EVA1A: variants seen among roughly 807,000 people sequenced by gnomAD.
EVA1A encodes the protein eva-1 homolog A, regulator of programmed cell death, also known as protein eva-1 homolog A.
A neutral mutation model predicts 9.8 loss-of-function variants in EVA1A; 7 were observed. The observed-to-expected ratio is 0.71, with a 90% CI of 0.41 to 1.34. The LOEUF is 1.34. Among genes scored for constraint, EVA1A ranks in the 40% most tolerant of loss-of-function variants. EVA1A has a pLI of 0.01. For synonymous variants in EVA1A, 90 were observed against 85.6 expected, an observed-to-expected ratio of 1.05 and a Z score of -0.28; for missense variants, 206 against 205.9, an observed-to-expected ratio of 1.00 and a Z score of 0.00.
chr2:75,557,306 A>G (rs994055592), intron 1 of EVA1A, among the ~76,000 whole-genome samples: 3 of 152,210 alleles, frequency 2.0e-5, no homozygotes, highest in African/African-American at 2.4e-5. Context: ...TAGTTTAGTG[A>G]TCAGTTGTAA....
intron 3 of EVA1A, among the ~76,000 whole-genome samples, chr2:75,509,459 C>G (rs1235252258): frequency 6.6e-6 from 1 of 152,014 alleles, no homozygotes; most frequent in Non-Finnish European, 1.5e-5. Context: ...TTTGAGGGAG[C>G]ACTTCTATGA....
chr2:75,560,501 CAG>C (rs1293096753), intron 1 of EVA1A, among the ~76,000 whole-genome samples, 177 bp downstream of exon 1: 1 of 152,186 alleles, frequency 6.6e-6, no homozygotes, highest in Admixed American at 6.5e-5. Context: ...CGCTGGGAAG[CAG>C]AGTTCCCTGT....
intron 3 of EVA1A, among the ~76,000 whole-genome samples, chr2:75,494,101 A>C (rs1258825612): frequency 6.6e-6 from 1 of 152,104 alleles, no homozygotes; most frequent in African/African-American, 2.4e-5. Context: ...CTCTCCCCTC[A>C]AGTGGTGGAC....
chr2:75,525,551 T>C (rs1675403132), intron 1 of EVA1A, among the ~76,000 whole-genome samples: 1 of 152,222 alleles, frequency 6.6e-6, no homozygotes, highest in South Asian at 2.1e-4. Flanking sequence ...AGGGGGCTCT[T>C]GTGTTCCATC....
intron 3 of EVA1A, 122 bp from the exon 4 acceptor site, chr2:75,493,731 T>C: frequency 4.9e-6 from 4 of 815,224 alleles, no homozygotes; most frequent in South Asian, 2.3e-5. Flanking sequence ...ACAAATATTG[T>C]CCTCCAATGT....
intron 2 of EVA1A, among the ~76,000 whole-genome samples, chr2:75,521,898 A>C (rs1183839827): frequency 6.6e-6 from 1 of 152,192 alleles, no homozygotes; most frequent in Non-Finnish European, 1.5e-5. Context: ...AGGTTACTTT[A>C]TTTAAAGAAT....
intron 2 of EVA1A, among the ~76,000 whole-genome samples, chr2:75,521,172 C>T (rs1437248046): frequency 3.9e-5 from 6 of 152,112 alleles, no homozygotes; most frequent in South Asian, 4.2e-4. Flanking sequence ...ATCTCATACC[C>T]GTTAGGATGA....
At chr2:75,497,435 A>G (rs1473759828) in intron 3 of EVA1A, among the ~76,000 whole-genome samples, 2 of 152,234 alleles carry the variant, frequency 1.3e-5, no homozygotes, top group Non-Finnish European at 2.9e-5. Flanking sequence ...AATGCTCAGC[A>G]TCACTAATCG....
chr2:75,505,884 G>A (rs1470416463), intron 3 of EVA1A, among the ~76,000 whole-genome samples: 2 of 151,838 alleles, frequency 1.3e-5, no homozygotes, highest in Admixed American at 6.6e-5. Context: ...TAACTATACA[G>A]TGTGTAGTAT....
chr2:75,526,940 A>G (rs191836139), intron 1 of EVA1A, among the ~76,000 whole-genome samples: 19 of 152,304 alleles, frequency 1.2e-4, no homozygotes, highest in African/African-American at 4.3e-4. Flanking sequence ...TGGGGGTTCA[A>G]CTCAGTAGTC....
chr2:75,550,527 G>A (rs1201175912), intron 1 of EVA1A, among the ~76,000 whole-genome samples: 1 of 152,156 alleles, frequency 6.6e-6, no homozygotes, highest in East Asian at 1.9e-4. Flanking sequence ...ATGCTCTATT[G>A]AGGAATACTT....
chr2:75,562,710 C>T (rs1218261506), upstream of EVA1A, among the ~76,000 whole-genome samples: 7 of 152,240 alleles, frequency 4.6e-5, no homozygotes, highest in Admixed American at 2.6e-4. Flanking sequence ...AGAGCTCCCC[C>T]TAACTCTCCA....
At chr2:75,566,346 C>T (rs575308383) in intron 1 of EVA1A, among the ~76,000 whole-genome samples, 4 of 150,936 alleles carry the variant, frequency 2.7e-5, no homozygotes, top group Admixed American at 6.6e-5. Context: ...TAAAAACCCA[C>T]GTTCTCCAGG....
upstream of EVA1A, among the ~76,000 whole-genome samples, chr2:75,564,334 A>G (rs1258593733): frequency 6.6e-6 from 1 of 152,236 alleles, no homozygotes; most frequent in Non-Finnish European, 1.5e-5. Flanking sequence ...GGTTCATCCC[A>G]GGAAACTAGG....
intron 1 of EVA1A, among the ~76,000 whole-genome samples, chr2:75,533,155 A>G (rs1226924918): frequency 6.6e-6 from 1 of 151,890 alleles, no homozygotes; most frequent in Non-Finnish European, 1.5e-5. Context: ...TCTTTAAAAA[A>G]AAAAAAAGAA....
chr2:75,559,190 G>C (rs986969867), intron 1 of EVA1A, among the ~76,000 whole-genome samples: 4 of 152,272 alleles, frequency 2.6e-5, no homozygotes, highest in Admixed American at 1.3e-4. Context: ...GAGATGTCTT[G>C]TGCAATACAG....
upstream of EVA1A, among the ~76,000 whole-genome samples, chr2:75,563,706 T>G (rs992569589): frequency 6.6e-6 from 1 of 152,250 alleles, no homozygotes; most frequent in African/African-American, 2.4e-5. Flanking sequence ...TGTTCCTGTC[T>G]ACCACCTCTG....
chr2:75,553,212 A>G (rs890106693), intron 1 of EVA1A, among the ~76,000 whole-genome samples: 3 of 152,086 alleles, frequency 2.0e-5, no homozygotes, highest in Non-Finnish European at 4.4e-5. Flanking sequence ...TCTTTGATGC[A>G]TGTTGTCTTG....
chr2:75,498,382 C>T (rs1022562659), intron 3 of EVA1A, among the ~76,000 whole-genome samples: 4 of 152,006 alleles, frequency 2.6e-5, no homozygotes, highest in Non-Finnish European at 5.9e-5. Flanking sequence ...TCAGGTACTA[C>T]GCTCACCACC....
Sources: gnomAD v4.1 joint callset for allele counts (sites outside exome capture counted in the v4.1 genomes callset) on GRCh38, gnomAD v4.1.1 for gene constraint, MANE v1.5 for transcripts, NCBI Gene and HGNC (gene_info 2026-07-23, HGNC 2026-07-21) for gene names.